Variants in NEMP2 observed in about 807,000 individuals in gnomAD.
The protein encoded by NEMP2 is UPF0571 transmembrane protein.
A neutral mutation model predicts 54.2 loss-of-function variants in NEMP2; 53 were observed. That is an observed-to-expected ratio of 0.98 (90% CI 0.78 to 1.23). The LOEUF (loss-of-function observed/expected upper bound fraction) is 1.23, where lower values mean the gene tolerates loss of function less well. Among genes scored for constraint, NEMP2 ranks in the 50% most tolerant of loss-of-function variants. NEMP2 has a pLI of 0.00. For missense variants in NEMP2, 455 were observed against 511.3 expected (o/e 0.89, Z 1.06); for synonymous variants, 197 against 190.3 (o/e 1.04, Z -0.29).
At chr2:190,638,899 C>T in the NEMP2 span, among the ~76,000 whole-genome samples, 2 of 152,180 alleles carry the variant, frequency 1.3e-5, no homozygotes, top group Non-Finnish European at 2.9e-5. The surrounding 1 kb of genome is among the most constrained non-coding windows in gnomAD (Gnocchi z 5.7). Flanking sequence ...CAGTTTTCTG[C>T]AGCTAAACAA....
chr2:190,631,190 G>A, the NEMP2 span, among the ~76,000 whole-genome samples: 3 of 152,208 alleles, frequency 2.0e-5, no homozygotes, highest in African/African-American at 7.2e-5. Flanking sequence ...CAGAGTTCTA[G>A]ATGGGGAAGA....
chr2:190,556,511 T>G, the NEMP2 span, among the ~76,000 whole-genome samples: 2 of 152,260 alleles, frequency 1.3e-5, no homozygotes, highest in East Asian at 3.9e-4. Flanking sequence ...ATAAAGCATA[T>G]TTGATTAGGA....
At chr2:190,478,408 T>A in the NEMP2 span, among the ~76,000 whole-genome samples, 1 of 152,206 alleles carries the variant, frequency 6.6e-6, no homozygotes, top group Non-Finnish European at 1.5e-5. Flanking sequence ...TTGCCTTTGT[T>A]TGACCCATGC....
At chr2:190,471,564 G>A in the NEMP2 span, among the ~76,000 whole-genome samples, 1 of 152,228 alleles carries the variant, frequency 6.6e-6, no homozygotes, top group African/African-American at 2.4e-5. This position sits in a 1 kb window ranked among gnomAD's most constrained non-coding sequence, Gnocchi z 4.7. Flanking sequence ...CCATTGCTGA[G>A]GCTTGAGTAG....
chr2:190,638,013 G>T, the NEMP2 span, among the ~76,000 whole-genome samples: 1 of 152,206 alleles, frequency 6.6e-6, no homozygotes, highest in Non-Finnish European at 1.5e-5. The surrounding 1 kb of genome is among the most constrained non-coding windows in gnomAD (Gnocchi z 5.7). Context: ...CTGGGTGCCC[G>T]AGAGGGAGGT....
At chr2:190,579,053 C>T in the NEMP2 span, among the ~76,000 whole-genome samples, 150 of 152,206 alleles carry the variant, frequency 9.9e-4, no homozygotes, top group Middle Eastern at 3.4e-3. Context: ...GTGTTGGTCA[C>T]AGGGCAGCAT....
chr2:190,551,336 C>A, the NEMP2 span, among the ~76,000 whole-genome samples: 3 of 151,842 alleles, frequency 2.0e-5, no homozygotes, highest in African/African-American at 7.2e-5. Context: ...CAATTTCTCT[C>A]TAATGGTTTT....
chr2:190,476,464 C>T, the NEMP2 span, among the ~76,000 whole-genome samples: 1 of 152,176 alleles, frequency 6.6e-6, no homozygotes. Context: ...TGCTCATCAT[C>T]ACTGGCCATC....
the NEMP2 span, among the ~76,000 whole-genome samples, chr2:190,566,123 C>T: frequency 6.6e-6 from 1 of 151,978 alleles, no homozygotes; most frequent in African/African-American, 2.4e-5. Context: ...CAGTCTGGGG[C>T]AACTAGTCCC....
chr2:190,637,798 G>T, the NEMP2 span, among the ~76,000 whole-genome samples: 1 of 152,200 alleles, frequency 6.6e-6, no homozygotes, highest in Non-Finnish European at 1.5e-5. This position sits in a 1 kb window ranked among gnomAD's most constrained non-coding sequence, Gnocchi z 4.5. Flanking sequence ...TCTAGACCAG[G>T]AAATAGGGCA....
At chr2:190,425,904 A>G in the NEMP2 span, among the ~76,000 whole-genome samples, 5 of 152,124 alleles carry the variant, frequency 3.3e-5, no homozygotes, top group Non-Finnish European at 5.9e-5. The surrounding 1 kb of genome is among the most constrained non-coding windows in gnomAD (Gnocchi z 4.3). Context: ...TCCAGTGTCC[A>G]TGGTTTCTCA....
Position 190,509,323 on chromosome 2 carries a change from T to G in NEMP2, c.1131-11A>C. The G allele has an allele frequency of 6.4e-7, 1 of 1,551,440 alleles. No homozygotes were observed. Among genetic ancestry groups the G allele is most frequent in the East Asian group, 2.4e-5 (1 of 40,930 alleles). ...ACAAAGTCTGCAAATCTAACAAGTT[T>G]TTTGTTTTAAATAAAGTTAATGTTA... is the stretch of plus-strand genomic sequence containing the variant. On this transcript the variant is annotated splice_polypyrimidine_tract_variant and intron_variant, in intron 8 of 8. Coordinates refer to ENST00000409150, the MANE Select transcript of NEMP2 (RefSeq NM_001142645.2). This position sits in a 1 kb window ranked among gnomAD's most constrained non-coding sequence, Gnocchi z 6.1.
In NEMP2 at chr2:190,509,097, C is replaced by T. The variant is rs772891251; in HGVS notation, c.*92G>A. ...TCTCCACAGCAAATGTTTTTGCCAC[C>T]GTTCACTAGAACAGTTCTGCCTAAC... On this transcript the variant is annotated 3_prime_UTR_variant, in exon 9 of 9. Transcript: ENST00000409150. This position sits in a 1 kb window ranked among gnomAD's most constrained non-coding sequence, Gnocchi z 6.1. The T allele has an allele frequency of 7.7e-5, 114 of 1,480,598 alleles. No homozygotes were observed. Among genetic ancestry groups the T allele is most frequent in the Non-Finnish European group, 9.6e-5 (107 of 1,110,618 alleles). 91.7% of individuals were successfully genotyped at this position (1,480,598 alleles called of 1,614,324 possible).
the NEMP2 span, among the ~76,000 whole-genome samples, chr2:190,474,129 G>T: frequency 6.6e-6 from 1 of 151,978 alleles, no homozygotes; most frequent in Non-Finnish European, 1.5e-5. Flanking sequence ...ATCCAAAATT[G>T]ACGCCCTAAC....
chr2:190,503,625 T>C (rs868367546), downstream of NEMP2, among the ~76,000 whole-genome samples: 62 of 152,118 alleles, frequency 4.1e-4, no homozygotes, highest in Admixed American at 1.2e-3. The surrounding 1 kb of genome is among the most constrained non-coding windows in gnomAD (Gnocchi z 6.3). Context: ...AAGAAAGAGG[T>C]GATTTTCCAT....
At chr2:190,548,492 A>T in the NEMP2 span, among the ~76,000 whole-genome samples, 1 of 152,220 alleles carries the variant, frequency 6.6e-6, no homozygotes, top group Admixed American at 6.5e-5. Context: ...TAAGATTTAG[A>T]GGTTACTCCT....
the NEMP2 span, chr2:190,497,927 A>T: frequency 2.1e-6 from 1 of 467,622 alleles, no homozygotes; most frequent in Non-Finnish European, 3.7e-6. The surrounding 1 kb of genome is among the most constrained non-coding windows in gnomAD (Gnocchi z 5.2). Context: ...TGCCTTATGG[A>T]GTTCAGGAAA....
In NEMP2 at chr2:190,509,372, A is replaced by G; in HGVS notation, c.1131-60T>C. ...TATCTCAGGAAGGTTTATTTGAAAG[A>G]TAACATGTTCCCTTGCTATTTATCC... On this transcript the variant is annotated intron_variant, in intron 8 of 8. Coordinates refer to ENST00000409150, the MANE Select transcript of NEMP2 (RefSeq NM_001142645.2). The surrounding 1 kb of genome is among the most constrained non-coding windows in gnomAD (Gnocchi z 6.1). The G allele has an allele frequency of 2.6e-6, 4 of 1,519,244 alleles. No homozygotes were observed. The highest frequency in any genetic ancestry group is 3.6e-6 in the Non-Finnish European group (4 of 1,120,022). 94.1% of individuals were successfully genotyped at this position (1,519,244 alleles called of 1,614,324 possible). A position where few individuals can be genotyped will look rare whatever the true frequency, so the allele number is the denominator to read the frequency against.
At position 190,521,431 on chromosome 2, in the gene NEMP2, C is replaced by T. The variant is rs1195206189; in HGVS notation, c.214-2248G>A. ...CGACTTGGGCACGGGATCCTATCCA[C>T]GTTTGCCTACTCAAGGACATCCCAG... On this transcript the variant is annotated intron_variant, in intron 2 of 8. Coordinates refer to ENST00000409150, the MANE Select transcript of NEMP2 (RefSeq NM_001142645.2). The surrounding 1 kb of genome is among the most constrained non-coding windows in gnomAD (Gnocchi z 6.2). Among the ~76,000 whole-genome samples, 1 of 152,188 alleles carries T rather than the reference C, an allele frequency of 6.6e-6. No individual in the cohort carries two copies. The highest frequency in any genetic ancestry group is 1.5e-5 in the Non-Finnish European group (1 of 68,034).
Sources: gnomAD v4.1 joint callset for allele counts (sites outside exome capture counted in the v4.1 genomes callset) on GRCh38, gnomAD v4.1.1 for gene constraint, Gnocchi (gnomAD v3.1) non-coding constraint, MANE v1.5 for transcripts, NCBI Gene and HGNC (gene_info 2026-07-23, HGNC 2026-07-21) for gene names.